Variants in PITPNB observed in about 807,000 individuals in gnomAD.
The protein encoded by PITPNB is phosphatidylinositol transfer protein beta.
Under a neutral mutation model 45.9 loss-of-function variants are expected in PITPNB, and 16 were observed. The observed-to-expected ratio is 0.35, with a 90% confidence interval of 0.24 to 0.53. The LOEUF (loss-of-function observed/expected upper bound fraction) is 0.53, where lower values mean the gene tolerates loss of function less well. Ranked by LOEUF, PITPNB falls within the 20% of genes least tolerant of loss-of-function variation. The probability of loss-of-function intolerance (pLI) is 0.93; values close to 1 mark genes in which losing one functional copy is unlikely to be tolerated. For missense variants in PITPNB, 188 were observed against 330.5 expected (o/e 0.57, Z 3.34); for synonymous variants, 112 against 108.9 (o/e 1.03, Z -0.18).
At chr22:27,876,300 CTGTG>C (rs1233401713) in intron 7 of PITPNB, among the ~76,000 whole-genome samples, 1 of 152,176 alleles carries the variant, frequency 6.6e-6, no homozygotes, top group East Asian at 1.9e-4. Flanking sequence ...TGAAGTACAA[CTGTG>C]TGTATGTAAA....
At chr22:27,854,510 T>C (rs1012297191) in intron 11 of PITPNB, among the ~76,000 whole-genome samples, 2 of 152,166 alleles carry the variant, frequency 1.3e-5, no homozygotes, top group African/African-American at 2.4e-5. Context: ...ATTTCCTTAC[T>C]AACCACAAAT....
intron 8 of PITPNB, among the ~76,000 whole-genome samples, chr22:27,864,797 T>C (rs1048067914): frequency 6.6e-6 from 1 of 151,814 alleles, no homozygotes; most frequent in African/African-American, 2.4e-5. Context: ...AATTAGCTGG[T>C]CATGGTGGCG....
At chr22:27,884,978 A>G (rs1347848553) in intron 7 of PITPNB, among the ~76,000 whole-genome samples, 1 of 151,710 alleles carries the variant, frequency 6.6e-6, no homozygotes, top group Non-Finnish European at 1.5e-5. Context: ...CTTGTTATAC[A>G]TAAATATCTA....
At chr22:27,897,580 AC>A (rs1192960905) in intron 4 of PITPNB, among the ~76,000 whole-genome samples, 1 of 152,144 alleles carries the variant, frequency 6.6e-6, no homozygotes, top group Non-Finnish European at 1.5e-5. Context: ...GTCAGCTAGG[AC>A]CCCAAAGTGG....
intron 7 of PITPNB, among the ~76,000 whole-genome samples, chr22:27,878,670 G>T (rs943527615): frequency 3.9e-5 from 6 of 152,174 alleles, no homozygotes; most frequent in African/African-American, 1.4e-4. Flanking sequence ...ATGAAAAAAA[G>T]ATTTGCTACA....
At chr22:27,911,797 A>G (rs1935931739) in intron 2 of PITPNB, among the ~76,000 whole-genome samples, 1 of 152,250 alleles carries the variant, frequency 6.6e-6, no homozygotes, top group East Asian at 1.9e-4. Flanking sequence ...AACTGTTTTT[A>G]AAGTAATATG....
chr22:27,886,672 C>T (rs926468), intron 7 of PITPNB, among the ~76,000 whole-genome samples: 5,542 of 152,282 alleles, frequency 0.036, 154 homozygotes, highest in African/African-American at 0.069. Context: ...AACAATCACT[C>T]TGAATTAAAA....
intron 7 of PITPNB, among the ~76,000 whole-genome samples, chr22:27,882,732 T>G (rs1935008058): frequency 6.6e-6 from 1 of 152,238 alleles, no homozygotes; most frequent in South Asian, 2.1e-4. Flanking sequence ...TGCCCAGCAC[T>G]GGTCTGTATC....
chr22:27,859,497 C>A (rs1934258739), intron 9 of PITPNB, among the ~76,000 whole-genome samples: 1 of 152,162 alleles, frequency 6.6e-6, no homozygotes, highest in Non-Finnish European at 1.5e-5. Flanking sequence ...AATGTTTCAA[C>A]ATTCCTAGGT....
At chr22:27,886,564 G>A (rs1267428634) in intron 7 of PITPNB, among the ~76,000 whole-genome samples, 3 of 152,208 alleles carry the variant, frequency 2.0e-5, no homozygotes, top group Admixed American at 6.5e-5. Flanking sequence ...GCATGGTGAA[G>A]TATAGTTCAT....
chr22:27,908,334 CT>C (rs201602287), intron 3 of PITPNB, among the ~76,000 whole-genome samples: 211 of 132,858 alleles, frequency 1.6e-3, no homozygotes, highest in Middle Eastern at 0.012. Flanking sequence ...CTCTTTTAGG[CT>C]TTTTTTTTTT....
intron 7 of PITPNB, among the ~76,000 whole-genome samples, chr22:27,887,795 G>A (rs1253230946): frequency 6.6e-6 from 1 of 152,132 alleles, no homozygotes; most frequent in Admixed American, 6.6e-5. Context: ...CTCCCGTTAA[G>A]TGCAAGCAGA....
At chr22:27,874,120 T>A (rs184394179) in intron 7 of PITPNB, among the ~76,000 whole-genome samples, 154 of 152,358 alleles carry the variant, frequency 1.0e-3, no homozygotes, top group Admixed American at 5.5e-3. Flanking sequence ...AACAGTTTTT[T>A]AAATAATTTA....
chr22:27,919,044 G>A (rs1309040116), intron 1 of PITPNB, 128 bp downstream of exon 1: 2 of 1,438,044 alleles, frequency 1.4e-6, no homozygotes, highest in Non-Finnish European at 2.0e-6. Flanking sequence ...GGGGGAGGGA[G>A]GGGGCGCCCG....
intron 7 of PITPNB, among the ~76,000 whole-genome samples, chr22:27,885,594 C>T (rs1011663817): frequency 6.6e-5 from 10 of 152,122 alleles, no homozygotes; most frequent in East Asian, 1.9e-4. Context: ...ACTGCAGCCT[C>T]GAACTCCTGA....
chr22:27,900,153 T>G (rs891829433), intron 3 of PITPNB, among the ~76,000 whole-genome samples: 17 of 151,000 alleles, frequency 1.1e-4, no homozygotes, highest in African/African-American at 4.2e-4. Flanking sequence ...TGAGCTGAGA[T>G]CATGCCATTT....
At chr22:27,916,170 A>G (rs1277578361) in intron 1 of PITPNB, among the ~76,000 whole-genome samples, 1 of 152,232 alleles carries the variant, frequency 6.6e-6, no homozygotes, top group African/African-American at 2.4e-5. Context: ...TTATTTAAGA[A>G]CACTTTCAAG....
chr22:27,914,333 G>T lies in PITPNB; in HGVS notation c.35C>A (p.Pro12Gln). ...VLIKEFRVVL[P>Q]CSVQEYQVGQ... The stretch of plus-strand genomic sequence containing the variant: ...AAAACTCACCTCCTGAACAGAACAT[G>T]GCAAAACCACACGGCTAAAAAGACA... The change falls in exon 2 of 12, where the codon CCA becomes CAA. Residue 12 changes from proline (P) to glutamine (Q), a missense_variant. Physicochemically the swap from Pro to Gln is moderately conservative, Grantham distance 76 (BLOSUM62 -1). Coordinates refer to ENST00000335272, the MANE Select transcript of PITPNB (RefSeq NM_012399.5). 1 of 1,593,204 alleles carries T rather than the reference G, an allele frequency of 6.3e-7. No homozygotes were observed. Among genetic ancestry groups the T allele is most frequent in the Non-Finnish European group, 8.6e-7 (1 of 1,162,392 alleles).
intron 8 of PITPNB, among the ~76,000 whole-genome samples, chr22:27,863,933 C>A (rs1002051493): frequency 2.0e-5 from 3 of 152,132 alleles, no homozygotes; most frequent in Non-Finnish European, 4.4e-5. Context: ...CTATAAGCCA[C>A]GGGACAAAAA....
Sources: gnomAD v4.1 joint callset for allele counts (sites outside exome capture counted in the v4.1 genomes callset) on GRCh38, gnomAD v4.1.1 for gene constraint, MANE v1.5 for transcripts, NCBI Gene and HGNC (gene_info 2026-07-23, HGNC 2026-07-21) for gene names.